The following WDR72 variants were observed in gnomAD, a reference collection of about 807,000 sequenced individuals.
WDR72 encodes WD repeat-containing protein 72.
WDR72 carries 120 observed loss-of-function variants against 124.2 expected under a neutral mutation model. The observed-to-expected ratio is 0.97, with a 90% confidence interval of 0.83 to 1.12. The LOEUF is 1.12. WDR72 is among the 50% of genes most tolerant of loss of function. The pLI is 0.00. For missense variants in WDR72, 1,387 were observed against 1,278.8 expected (o/e 1.08, Z -1.29); for synonymous variants, 452 against 441.7 (o/e 1.02, Z -0.29).
At chr15:53,521,430 G>T (rs910831345) in intron 19 of WDR72, among the ~76,000 whole-genome samples, 1 of 152,070 alleles carries the variant, frequency 6.6e-6, no homozygotes, top group Admixed American at 6.5e-5. Flanking sequence ...GGCCTATAAG[G>T]CAAGATGTCT....
At chr15:53,582,576 T>A (rs1476327487) in intron 18 of WDR72, among the ~76,000 whole-genome samples, 1 of 151,978 alleles carries the variant, frequency 6.6e-6, no homozygotes, top group South Asian at 2.1e-4. Flanking sequence ...CCCGAATACC[T>A]GACCGCTAAT....
intron 1 of WDR72, among the ~76,000 whole-genome samples, chr15:53,756,095 G>T (rs1459793077): frequency 6.6e-6 from 1 of 152,118 alleles, no homozygotes; most frequent in African/African-American, 2.4e-5. Flanking sequence ...AATATGGTTT[G>T]GCTTCATCCC....
chr15:53,520,089 T>C (rs191205939), intron 19 of WDR72, among the ~76,000 whole-genome samples: 1 of 150,146 alleles, frequency 6.7e-6, no homozygotes, highest in African/African-American at 2.4e-5. Flanking sequence ...TCCCTTTTGC[T>C]TTCTGCCTAT....
intron 18 of WDR72, among the ~76,000 whole-genome samples, chr15:53,587,671 T>A (rs1043901007): frequency 6.6e-6 from 1 of 152,050 alleles, no homozygotes; most frequent in African/African-American, 2.4e-5. Context: ...TTACTTTTTT[T>A]AAAATTTCAA....
intron 14 of WDR72, among the ~76,000 whole-genome samples, chr15:53,638,532 T>A (rs1397582022): frequency 1.3e-5 from 2 of 151,792 alleles, no homozygotes; most frequent in Non-Finnish European, 2.9e-5. Context: ...ATATAAAATA[T>A]CCTTCTAGAT....
chr15:53,596,729 T>A (rs374636844), intron 18 of WDR72, among the ~76,000 whole-genome samples: 1 of 152,094 alleles, frequency 6.6e-6, no homozygotes, highest in Non-Finnish European at 1.5e-5. Flanking sequence ...CTTCAAACAT[T>A]TGACAATTAT....
At chr15:53,723,218 AAATGTCCCCTCAAT>A (rs1320639397) in intron 2 of WDR72, among the ~76,000 whole-genome samples, 1 of 151,754 alleles carries the variant, frequency 6.6e-6, no homozygotes, top group Non-Finnish European at 1.5e-5. Context: ...CCTCTGAACA[AAATGTCCCCTCAAT>A]AATAGTAGCA....
chr15:53,601,456 C>T (rs766859955), intron 17 of WDR72, among the ~76,000 whole-genome samples: 2 of 152,080 alleles, frequency 1.3e-5, no homozygotes, highest in Non-Finnish European at 1.5e-5. Flanking sequence ...ATAAACACAC[C>T]TGCAAAATAA....
chr15:53,679,944 C>CA (rs3081356), intron 13 of WDR72, among the ~76,000 whole-genome samples: 119,272 of 143,274 alleles, frequency 0.83, 50,050 homozygotes, highest in East Asian at 0.92. Flanking sequence ...ATATCTGCAG[C>CA]AAAAAAAAAA....
intron 18 of WDR72, among the ~76,000 whole-genome samples, chr15:53,526,854 A>T (rs906153934): frequency 1.8e-4 from 27 of 152,046 alleles, no homozygotes; most frequent in African/African-American, 6.0e-4. Context: ...AATAGTCCAC[A>T]TTTGAAGGTA....
At chr15:53,743,228 G>A (rs1378638040) in intron 1 of WDR72, among the ~76,000 whole-genome samples, 2 of 151,954 alleles carry the variant, frequency 1.3e-5, no homozygotes, top group African/African-American at 2.4e-5. Context: ...TATTTTAGGT[G>A]TAATAATTAT....
chr15:53,678,635 G>C (rs1008524671), intron 13 of WDR72, among the ~76,000 whole-genome samples: 3 of 152,140 alleles, frequency 2.0e-5, no homozygotes, highest in African/African-American at 7.2e-5. Context: ...ATCAGCCTTT[G>C]TCCTACCCAA....
chr15:53,608,757 AAAATAAAT>A (rs377242751), intron 17 of WDR72, among the ~76,000 whole-genome samples: 16 of 123,694 alleles, frequency 1.3e-4, no homozygotes, highest in South Asian at 4.8e-4. Flanking sequence ...TCCTTTCTCA[AAAATAAAT>A]AAATAAATAA....
In WDR72 at chr15:53,713,411, G is replaced by GTATTTTATTTTATTTTATTT. The variant is rs11272007; in HGVS notation, c.592-540_592-521dup. Among the ~76,000 whole-genome samples, 98 of 88,688 alleles carry GTATTTTATTTTATTTTATTT rather than the reference G, an allele frequency of 1.1e-3. 2 individuals carry two copies. The highest frequency in any genetic ancestry group is 3.2e-3 in the African/African-American group (84 of 26,222). 58.2% of individuals were successfully genotyped at this position (88,688 alleles called of 152,430 possible). ...GTATTTTATTTTATTTTATTTTGTT[G>GTATTTTATTTTATTTTATTT]TATTTTATTTTATTTTATTTTATTT... is the stretch of plus-strand genomic sequence containing the variant. On this transcript the variant is annotated intron_variant, in intron 6 of 19. Transcript: ENST00000360509.
intron 18 of WDR72, among the ~76,000 whole-genome samples, chr15:53,566,517 T>C (rs547107718): frequency 6.6e-6 from 1 of 151,860 alleles, no homozygotes; most frequent in Non-Finnish European, 1.5e-5. Context: ...GTGGGAGATA[T>C]CTACTGCCTG....
intron 9 of WDR72, among the ~76,000 whole-genome samples, chr15:53,706,299 G>A (rs1405059386): frequency 7.1e-6 from 1 of 140,852 alleles, no homozygotes; most frequent in Non-Finnish European, 1.5e-5. Flanking sequence ...GTCAATAAAA[G>A]TATCTAACAT....
At chr15:53,536,160 C>T (rs987546787) in intron 18 of WDR72, among the ~76,000 whole-genome samples, 1 of 152,082 alleles carries the variant, frequency 6.6e-6, no homozygotes, top group Non-Finnish European at 1.5e-5. Flanking sequence ...GCTGGCTGCT[C>T]ACCATCACCA....
intron 17 of WDR72, among the ~76,000 whole-genome samples, chr15:53,598,995 G>A (rs374010501): frequency 3.4e-4 from 51 of 152,000 alleles, no homozygotes; most frequent in African/African-American, 1.2e-3. Flanking sequence ...TTGGTGGTGC[G>A]CACCTGTAGT....
In WDR72 at chr15:53,616,005, C is replaced by G. The variant is rs774589473; in HGVS notation, c.2201G>C (p.Cys734Ser). The G allele has an allele frequency of 7.4e-6, 12 of 1,613,308 alleles. No individual in the cohort carries two copies. The highest frequency in any genetic ancestry group is 9.3e-6 in the Non-Finnish European group (11 of 1,179,594). Reference sequence around the variant, plus strand: ...TAGTGCCTCTGCTGAAAGAGGACCACAGGCAGTTTTACTTTTTCTCAGTGT... The same window carrying G: ...TAGTGCCTCTGCTGAAAGAGGACCAGAGGCAGTTTTACTTTTTCTCAGTGT... ...TLTLRKSKTA[C>S]GPLSAEALAK... The change falls in exon 15 of 20, where the codon TGT becomes TCT. Residue 734 changes from cysteine to serine, a missense_variant. By Grantham distance (112) the Cys-to-Ser change is moderately radical. Coordinates refer to ENST00000360509, the MANE Select transcript of WDR72 (RefSeq NM_182758.4).
Sources: allele counts gnomAD v4.1 joint callset (sites outside exome capture counted in the v4.1 genomes callset), GRCh38; gene constraint gnomAD v4.1.1; transcripts MANE v1.5; gene names NCBI Gene and HGNC (gene_info 2026-07-23, HGNC 2026-07-21).